The following E2F2 variants were observed in gnomAD, a reference collection of about 807,000 sequenced individuals.
E2F2 encodes the protein E2F transcription factor 2.
In E2F2, 22 loss-of-function variants were observed where a neutral mutation model predicts 42.2. The observed-to-expected ratio is 0.52, with a 90% confidence interval of 0.37 to 0.74. E2F2 has a LOEUF of 0.74. Among genes scored for constraint, E2F2 ranks in the 30% least tolerant of loss-of-function variants. The pLI is 0.00. For missense variants in E2F2, 481 were observed against 557.8 expected (o/e 0.86, Z 1.39); for synonymous variants, 248 against 251.6 (o/e 0.99, Z 0.13).
chr1:23,527,027 G>A (rs1338802479), intron 1 of E2F2, among the ~76,000 whole-genome samples: 1 of 152,226 alleles, frequency 6.6e-6, no homozygotes, highest in African/African-American at 2.4e-5. Context: ...TGAACCTGCA[G>A]AACACAGGTG....
At chr1:23,515,492 G>A (rs1029872080) in intron 6 of E2F2, among the ~76,000 whole-genome samples, 3 of 152,088 alleles carry the variant, frequency 2.0e-5, no homozygotes, top group Non-Finnish European at 4.4e-5. Context: ...TCCCAGCTGG[G>A]AGACCTTAGG....
chr1:23,521,710 C>T lies in E2F2; in HGVS notation c.578+127G>A. ...GGATGTTGCTCTTGGTCCGCCTCAG[C>T]CCTTGTGCCCATTGGATGTTGCTCT... On this transcript the variant is annotated intron_variant, in intron 3 of 6. Coordinates refer to ENST00000361729, the MANE Select transcript of E2F2 (RefSeq NM_004091.4). 4 of 1,491,796 alleles carry T rather than the reference C, an allele frequency of 2.7e-6. No homozygotes were observed. In the South Asian group the frequency reaches 4.0e-5, roughly 15 times the overall value. The allele number at this position is 1,491,796 out of a possible 1,614,324, so 92.4% of individuals were successfully genotyped here. A position where few individuals can be genotyped will look rare whatever the true frequency, so the allele number is the denominator to read the frequency against.
Position 23,531,216 on chromosome 1 carries a change from G to T in E2F2, c.-423C>A, listed in dbSNP as rs1570478091. ...CGACTTCCTTGCGGCTCGCTCTCTA[G>T]TCCTTGAGTCTTTCTCTGCCTCTTT... is the stretch of plus-strand genomic sequence containing the variant. On this transcript the variant is annotated 5_prime_UTR_variant, in exon 1 of 7. Coordinates refer to ENST00000361729, the MANE Select transcript of E2F2 (RefSeq NM_004091.4). 5.4e-6 allele frequency: 1 copy of T among 184,632 alleles called. No individual in the cohort carries two copies. The highest frequency in any genetic ancestry group is 1.1e-5 in the Non-Finnish European group (1 of 90,066). The allele number at this position is 184,632 out of a possible 1,614,324, so 11.4% of individuals were successfully genotyped here.
Position 23,508,370 on chromosome 1 carries a change from T to A in E2F2, c.*1510A>T, listed in dbSNP as rs1223096185. On this transcript the variant is annotated 3_prime_UTR_variant, in exon 7 of 7. Transcript: ENST00000361729. ...ACTTTTCTAAAAAGTGCTGTCCAGC[T>A]GAGCCTCTGAGAAAACCTAGCTCCC... The A allele has an allele frequency of 6.6e-6, 1 of 152,342 alleles. No homozygotes were observed. The allele number at this position is 152,342 out of a possible 1,614,324, so 9.4% of individuals were successfully genotyped here. A position where few individuals can be genotyped will look rare whatever the true frequency, so the allele number is the denominator to read the frequency against.
chr1:23,511,156 AT>A (rs1642901110), intron 6 of E2F2, among the ~76,000 whole-genome samples: 1 of 151,644 alleles, frequency 6.6e-6, no homozygotes, highest in South Asian at 2.1e-4. Flanking sequence ...GCTAAACCCA[AT>A]GGTCATTTCT....
Position 23,531,119 on chromosome 1 carries a change from G to A in E2F2, c.-326C>T, listed in dbSNP as rs1643334844. ...CTGGGGTCCGGCCGGCTCTGGGGAG[G>A]GGTCCCCGGCGTGCCCTCAAGCTCG... On this transcript the variant is annotated 5_prime_UTR_variant, in exon 1 of 7. Coordinates refer to ENST00000361729, the MANE Select transcript of E2F2 (RefSeq NM_004091.4). 3.3e-6 allele frequency: 1 copy of A among 301,592 alleles called. No homozygotes were observed. 18.7% of individuals were successfully genotyped at this position (301,592 alleles called of 1,614,324 possible).
downstream of E2F2, among the ~76,000 whole-genome samples, chr1:23,505,414 T>C (rs1316758273): frequency 2.0e-5 from 3 of 152,200 alleles, no homozygotes; most frequent in African/African-American, 7.2e-5. Flanking sequence ...AGGCATGCAT[T>C]CTCAAACTTC....
In E2F2 at chr1:23,509,929, A is replaced by T; in HGVS notation, c.1265T>A (p.Ile422Asn). Residue 422 changes from isoleucine to asparagine, a missense_variant, in exon 7 of 7, where the codon ATC becomes AAC. By Grantham distance (149) the Ile-to-Asn change is moderately radical (BLOSUM62 -3). Coordinates refer to ENST00000361729, the MANE Select transcript of E2F2 (RefSeq NM_004091.4). ...GTCGTAGGAGTCGAAGAGATCGCTG[A>T]TGCCCTCACCCGCCTCCAAGCCCCA... ...YLWGLEAGEGISDLFDSYDLG... is the reference protein window; with the variant it reads ...YLWGLEAGEGNSDLFDSYDLG... 1.2e-6 allele frequency: 2 copies of T among 1,602,072 alleles called. No homozygotes were observed. Among genetic ancestry groups the T allele is most frequent in the Non-Finnish European group, 1.7e-6 (2 of 1,173,144 alleles).
At position 23,525,195 on chromosome 1, in the gene E2F2, C is replaced by T. The variant is rs2811977; in HGVS notation, c.253-707G>A. On this transcript the variant is annotated intron_variant, in intron 1 of 6. Coordinates refer to ENST00000361729, the MANE Select transcript of E2F2 (RefSeq NM_004091.4). ...GGACAAGCAGCTGAGGCCACCCCCC[C>T]CCTCCAGCTCCCCCTTTCTGTTCCC... is the stretch of plus-strand genomic sequence containing the variant. 4.6e-3 allele frequency among the ~76,000 whole-genome samples: 699 copies of T among 152,096 alleles called. 6 individuals carry two copies. The highest frequency in any genetic ancestry group is 0.015 in the African/African-American group (639 of 41,428).
intron 6 of E2F2, among the ~76,000 whole-genome samples, chr1:23,514,200 C>T (rs755652092): frequency 9.2e-5 from 14 of 152,024 alleles, no homozygotes; most frequent in Non-Finnish European, 1.9e-4. Flanking sequence ...CAGAGGACAA[C>T]TGAAGCGAAG....
At position 23,530,146 on chromosome 1, in the gene E2F2, C is replaced by T. The variant is rs1643313921; in HGVS notation, c.252+396G>A. Among the ~76,000 whole-genome samples the T allele has an allele frequency of 6.6e-6, 1 of 152,188 alleles. No individual in the cohort carries two copies. Among genetic ancestry groups the T allele is most frequent in the Admixed American group, 6.5e-5 (1 of 15,282 alleles). On this transcript the variant is annotated intron_variant, in intron 1 of 6. Transcript: ENST00000361729. This position sits in a 1 kb window ranked among gnomAD's most constrained non-coding sequence, Gnocchi z 4.4. ...CTGTCTTACCAAAGTCCCACAGTGT[C>T]CCCAGGCCATACTCTTTGCCTGGAC...
At chr1:23,505,804 C>T (rs1642786490), downstream of E2F2, among the ~76,000 whole-genome samples, 7 of 151,808 alleles carry the variant, frequency 4.6e-5, no homozygotes, top group South Asian at 1.5e-3. Flanking sequence ...TGAGCCACTG[C>T]ACCTGGCCTT....
chr1:23,514,938 T>C (rs994180766), intron 6 of E2F2, among the ~76,000 whole-genome samples: 1 of 152,034 alleles, frequency 6.6e-6, no homozygotes, highest in Admixed American at 6.6e-5. Flanking sequence ...CACAACTCTT[T>C]AAAAATGTAA....
At chr1:23,527,543 T>TA (rs1413120169) in intron 1 of E2F2, among the ~76,000 whole-genome samples, 1 of 152,190 alleles carries the variant, frequency 6.6e-6, no homozygotes, top group Non-Finnish European at 1.5e-5. Context: ...ACAACCCCCT[T>TA]ACGGGCACCA....
chr1:23,509,798 T>A lies in E2F2; in HGVS notation c.*82A>T. 6.8e-7 allele frequency: 1 copy of A among 1,467,204 alleles called. No individual in the cohort carries two copies. Among genetic ancestry groups the A allele is most frequent in the Non-Finnish European group, 9.0e-7 (1 of 1,107,282 alleles). The allele number at this position is 1,467,204 out of a possible 1,614,324, so 90.9% of individuals were successfully genotyped here. On this transcript the variant is annotated 3_prime_UTR_variant, in exon 7 of 7. Coordinates refer to ENST00000361729, the MANE Select transcript of E2F2 (RefSeq NM_004091.4). ...TGAGGGCAGCACCTAGTGTCCAATGTCCCTGTGCAGGCAGAGGGGCTGTCA... is the reference window on the plus strand; with the variant it reads ...TGAGGGCAGCACCTAGTGTCCAATGACCCTGTGCAGGCAGAGGGGCTGTCA...
intron 1 of E2F2, among the ~76,000 whole-genome samples, chr1:23,526,159 G>A (rs1643247198): frequency 1.3e-5 from 2 of 152,032 alleles, no homozygotes; most frequent in Non-Finnish European, 2.9e-5. Flanking sequence ...TCTTGAATGA[G>A]TCTCTTGAAT....
At chr1:23,527,708 G>A (rs970145917) in intron 1 of E2F2, among the ~76,000 whole-genome samples, 2 of 152,344 alleles carry the variant, frequency 1.3e-5, no homozygotes, top group South Asian at 2.1e-4. Flanking sequence ...CTGCCACTTC[G>A]TAGCTGAACA....
chr1:23,528,396 G>C (rs1107081), intron 1 of E2F2, among the ~76,000 whole-genome samples: 1 of 152,166 alleles, frequency 6.6e-6, no homozygotes, highest in Middle Eastern at 3.2e-3. Flanking sequence ...TCCAGGTCAC[G>C]CCCTTGTAAA....
At chr1:23,528,336 AGCCCG>A (rs1301593229) in intron 1 of E2F2, among the ~76,000 whole-genome samples, 1 of 152,224 alleles carries the variant, frequency 6.6e-6, no homozygotes, top group African/African-American at 2.4e-5. Flanking sequence ...TGCACTTTGC[AGCCCG>A]GCCACAAAGC....
Sources: allele counts gnomAD v4.1 joint callset (sites outside exome capture counted in the v4.1 genomes callset), GRCh38; gene constraint gnomAD v4.1.1; non-coding constraint Gnocchi (gnomAD v3.1); transcripts MANE v1.5; gene names NCBI Gene and HGNC (gene_info 2026-07-23, HGNC 2026-07-21).